Variants in SV2B observed in about 807,000 individuals in gnomAD.
SV2B encodes the protein synaptic vesicle glycoprotein 2B.
A neutral mutation model predicts 73.9 loss-of-function variants in SV2B; 41 were observed. The ratio of observed to expected loss-of-function variants is 0.56; its 90% CI spans 0.43 to 0.72. The LOEUF (loss-of-function observed/expected upper bound fraction) is 0.72, where lower values mean the gene tolerates loss of function less well. Ranked by LOEUF, SV2B falls within the 30% of genes least tolerant of loss-of-function variation. The pLI is 0.00. For synonymous variants in SV2B, 314 were observed against 314.2 expected (o/e 1.00, Z 0.01); for missense variants, 764 against 857.8 (o/e 0.89, Z 1.37).
At chr15:91,179,794 G>C (rs545277522) in intron 1 of SV2B, among the ~76,000 whole-genome samples, 4 of 152,066 alleles carry the variant, frequency 2.6e-5, no homozygotes, top group Non-Finnish European at 4.4e-5. Flanking sequence ...GTCTCTGCCC[G>C]TGAGCTGGGT....
At chr15:91,203,000 G>T (rs946380796) in intron 1 of SV2B, among the ~76,000 whole-genome samples, 1 of 152,196 alleles carries the variant, frequency 6.6e-6, no homozygotes, top group African/African-American at 2.4e-5. Context: ...GGGCTGGGTA[G>T]ATATCACAGT....
In SV2B at chr15:91,227,938, T is replaced by C. The variant is rs1003563362; in HGVS notation, c.451+1224T>C. 1.3e-5 allele frequency among the ~76,000 whole-genome samples: 2 copies of C among 152,220 alleles called. No individual in the cohort carries two copies. Among genetic ancestry groups the C allele is most frequent in the Non-Finnish European group, 2.9e-5 (2 of 68,026 alleles). On this transcript the variant is annotated intron_variant, in intron 2 of 12. Coordinates refer to ENST00000394232, the MANE Select transcript of SV2B (RefSeq NM_001323032.3). The surrounding 1 kb of genome is among the most constrained non-coding windows in gnomAD (Gnocchi z 4.5). ...GGTCTCTGTCACAATCACTCAACTC[T>C]GTCACTGTAGCACAATAGCAGCTTT...
At chr15:91,101,429 T>C (rs147677496) in intron 1 of SV2B, among the ~76,000 whole-genome samples, 191 of 152,252 alleles carry the variant, frequency 1.3e-3, no homozygotes, top group African/African-American at 4.1e-3. Context: ...AAATACTTAC[T>C]GAGCACTTAG....
chr15:91,173,084 G>A (rs147945127), intron 1 of SV2B, among the ~76,000 whole-genome samples: 93 of 152,276 alleles, frequency 6.1e-4, no homozygotes, highest in Middle Eastern at 3.4e-3. Flanking sequence ...TTTTTGGTTG[G>A]TGCGATGAGG....
chr15:91,152,332 T>C (rs1257341234), intron 1 of SV2B, among the ~76,000 whole-genome samples: 1 of 152,200 alleles, frequency 6.6e-6, no homozygotes, highest in Non-Finnish European at 1.5e-5. Context: ...TTGGAGGAGC[T>C]GGGTGGGAGC....
At chr15:91,107,825 G>C (rs149441273) in intron 1 of SV2B, among the ~76,000 whole-genome samples, 1 of 152,130 alleles carries the variant, frequency 6.6e-6, no homozygotes, top group Non-Finnish European at 1.5e-5. Flanking sequence ...TGCCCAGGCT[G>C]GTCTTGAACT....
intron 2 of SV2B, among the ~76,000 whole-genome samples, chr15:91,228,369 A>C (rs1245153423): frequency 6.6e-6 from 1 of 152,216 alleles, no homozygotes; most frequent in South Asian, 2.1e-4. Flanking sequence ...TATAAATAAT[A>C]GATTTTTTTT....
chr15:91,183,055 G>C (rs1017230332), intron 1 of SV2B, among the ~76,000 whole-genome samples: 1 of 152,210 alleles, frequency 6.6e-6, no homozygotes, highest in African/African-American at 2.4e-5. Flanking sequence ...CTAAGGCAGA[G>C]ACAGACATTA....
In SV2B at chr15:91,245,520, G is replaced by C. The variant is rs1476236924; in HGVS notation, c.452-6299G>C. The stretch of plus-strand genomic sequence containing the variant: ...TATTGCTTTACCTTTTATACATTTT[G>C]GGGGGTATTCCTCAGATTTTCTTAC... On this transcript the variant is annotated intron_variant, in intron 2 of 12. Transcript: ENST00000394232. This position sits in a 1 kb window ranked among gnomAD's most constrained non-coding sequence, Gnocchi z 4.2. 6.6e-6 allele frequency among the ~76,000 whole-genome samples: 1 copy of C among 152,108 alleles called. No individual in the cohort carries two copies. Among genetic ancestry groups the C allele is most frequent in the African/African-American group, 2.4e-5 (1 of 41,420 alleles).
At chr15:91,286,363 A>G (rs1453042975) in intron 11 of SV2B, among the ~76,000 whole-genome samples, 2 of 152,182 alleles carry the variant, frequency 1.3e-5, no homozygotes, top group African/African-American at 4.8e-5. Context: ...GGCTCTTTGT[A>G]GTGTGCAAGT....
intron 1 of SV2B, among the ~76,000 whole-genome samples, chr15:91,179,972 A>G (rs1355890142): frequency 6.8e-6 from 1 of 148,138 alleles, no homozygotes; most frequent in Non-Finnish European, 1.5e-5. Context: ...TAGTTGATGC[A>G]GTTTCTTCCT....
intron 1 of SV2B, among the ~76,000 whole-genome samples, chr15:91,200,932 A>C (rs189022761): frequency 3.2e-4 from 48 of 152,316 alleles, no homozygotes; most frequent in African/African-American, 1.2e-3. Flanking sequence ...AAAAGAAAAC[A>C]AAACAAAACT....
intron 2 of SV2B, among the ~76,000 whole-genome samples, chr15:91,251,465 A>G (rs1477003969): frequency 6.6e-6 from 1 of 152,230 alleles, no homozygotes; most frequent in East Asian, 1.9e-4. Flanking sequence ...CTCCTTAAAC[A>G]TAATCCACCA....
chr15:91,126,780 A>G (rs961532702), intron 1 of SV2B, among the ~76,000 whole-genome samples: 1 of 152,250 alleles, frequency 6.6e-6, no homozygotes, highest in Non-Finnish European at 1.5e-5. Context: ...TAATAGACAG[A>G]AAAACATTTG....
At chr15:91,191,135 G>A (rs1422455955) in intron 1 of SV2B, among the ~76,000 whole-genome samples, 1 of 142,646 alleles carries the variant, frequency 7.0e-6, no homozygotes, top group Non-Finnish European at 1.5e-5. Context: ...GTGCAATTTG[G>A]GCTCACTGCA....
In SV2B at chr15:91,296,904, TTGGGCGCATGCTCCTTCTGCCCGATCG is replaced by T; in HGVS notation, c.*4354_*4380del. ...GGCGCACGCTCCTTCTGCCCGATCG[TTGGGCGCATGCTCCTTCTGCCCGATCG>T]TTGGGAGCACGCTCATTCTGCCCGA... On this transcript the variant is annotated 3_prime_UTR_variant, in exon 13 of 13. Transcript: ENST00000394232. 1 of 138,598 alleles carries T rather than the reference TTGGGCGCATGCTCCTTCTGCCCGATCG, an allele frequency of 7.2e-6. No individual in the cohort carries two copies. Among genetic ancestry groups the T allele is most frequent in the African/African-American group, 2.8e-5 (1 of 35,376 alleles). The allele number at this position is 138,598 out of a possible 1,614,324, so 8.6% of individuals were successfully genotyped here. A position where few individuals can be genotyped will look rare whatever the true frequency, so the allele number is the denominator to read the frequency against.
rs947849187 is a variant in SV2B at position 91,236,355 on chromosome 15, A to G, written c.451+9641A>G. Among the ~76,000 whole-genome samples, 1 of 152,228 alleles carries G rather than the reference A, an allele frequency of 6.6e-6. No individual in the cohort carries two copies. Among genetic ancestry groups the G allele is most frequent in the African/African-American group, 2.4e-5 (1 of 41,458 alleles). On this transcript the variant is annotated intron_variant, in intron 2 of 12. Coordinates refer to ENST00000394232, the MANE Select transcript of SV2B (RefSeq NM_001323032.3). The surrounding 1 kb of genome is among the most constrained non-coding windows in gnomAD (Gnocchi z 4.1). ...TGCTTATATTTGCTTCCACAATGGAAAACTTCACCAAGAACAAAAAAGACC... is the reference window on the plus strand; with the variant it reads ...TGCTTATATTTGCTTCCACAATGGAGAACTTCACCAAGAACAAAAAAGACC...
chr15:91,301,511 A>G lies in SV2B; in HGVS notation c.*8959A>G, dbSNP rs566670792. 3.9e-5 allele frequency among the ~76,000 whole-genome samples: 6 copies of G among 152,344 alleles called. No homozygotes were observed. In the South Asian group the frequency reaches 1.0e-3, roughly 26 times the overall value. ...TTAATACCTTGTGATCCAGATATTT[A>G]ACAAACACACATGAAATTTACTGAA... is the stretch of plus-strand genomic sequence containing the variant. On this transcript the variant is annotated 3_prime_UTR_variant, in exon 13 of 13. Coordinates refer to ENST00000394232, the MANE Select transcript of SV2B (RefSeq NM_001323032.3). This position sits in a 1 kb window ranked among gnomAD's most constrained non-coding sequence, Gnocchi z 4.3.
chr15:91,201,996 G>A (rs953866230), intron 1 of SV2B, among the ~76,000 whole-genome samples: 5 of 152,242 alleles, frequency 3.3e-5, no homozygotes, highest in African/African-American at 1.2e-4. Flanking sequence ...ATCTTTCACT[G>A]TTTCTGACTT....
Sources: allele counts gnomAD v4.1 joint callset (sites outside exome capture counted in the v4.1 genomes callset), GRCh38; gene constraint gnomAD v4.1.1; non-coding constraint Gnocchi (gnomAD v3.1); transcripts MANE v1.5; gene names NCBI Gene and HGNC (gene_info 2026-07-23, HGNC 2026-07-21).